Variants in RASGEF1A observed in about 807,000 individuals in gnomAD.
RASGEF1A encodes the protein RasGEF domain family member 1A.
In RASGEF1A, 18 loss-of-function variants were observed where a neutral mutation model predicts 56.4. That is an observed-to-expected ratio of 0.32 (90% CI 0.22 to 0.47). RASGEF1A has a LOEUF of 0.47. Ranked by LOEUF, RASGEF1A falls within the 20% of genes least tolerant of loss-of-function variation. The probability of loss-of-function intolerance (pLI) is 1.00; values close to 1 mark genes in which losing one functional copy is unlikely to be tolerated. For missense variants in RASGEF1A, 422 were observed against 627.1 expected (o/e 0.67, Z 3.49); for synonymous variants, 245 against 242.6 (o/e 1.01, Z -0.09).
chr10:43,221,246 A>G (rs1258111187), intron 1 of RASGEF1A, among the ~76,000 whole-genome samples: 2 of 152,172 alleles, frequency 1.3e-5, no homozygotes, highest in Non-Finnish European at 2.9e-5. Context: ...TGTGTGGAAT[A>G]TATTTGCATG....
intron 1 of RASGEF1A, 129 bp from the exon 2 acceptor site, chr10:43,206,251 C>T: frequency 1.3e-6 from 1 of 764,706 alleles, no homozygotes; most frequent in South Asian, 1.8e-5. Flanking sequence ...GCGGCACTGG[C>T]AGAGGGCACC....
In RASGEF1A at chr10:43,196,608, G is replaced by T; in HGVS notation, c.1349-60C>A. ...CCCATGCAGTGTCTGCCTGAACCCA[G>T]CTGTCCCTTCAGGAGTACAGCCCAG... On this transcript the variant is annotated intron_variant, in intron 11 of 12. Transcript: ENST00000395810. This position sits in a 1 kb window ranked among gnomAD's most constrained non-coding sequence, Gnocchi z 4.6. 2 of 1,497,228 alleles carry T rather than the reference G, an allele frequency of 1.3e-6. No homozygotes were observed. Among genetic ancestry groups the T allele is most frequent in the South Asian group, 1.1e-5 (1 of 88,930 alleles). The allele number at this position is 1,497,228 out of a possible 1,614,324, so 92.7% of individuals were successfully genotyped here.
intron 1 of RASGEF1A, among the ~76,000 whole-genome samples, chr10:43,244,033 C>T (rs1206131476): frequency 6.6e-6 from 1 of 152,210 alleles, no homozygotes; most frequent in African/African-American, 2.4e-5. Flanking sequence ...CCATTTTGTT[C>T]TGTACTAAGA....
intron 1 of RASGEF1A, among the ~76,000 whole-genome samples, chr10:43,243,615 G>C (rs189614045): frequency 0.022 from 3,222 of 147,410 alleles, 50 homozygotes; most frequent in Non-Finnish European, 0.029. Flanking sequence ...GGGAGGTGAG[G>C]GGCGTCTCTG....
chr10:43,225,452 T>TGTGTCTCTGTGTCTGTGTGCCTGC (rs374831719), intron 1 of RASGEF1A, among the ~76,000 whole-genome samples: 1 of 151,912 alleles, frequency 6.6e-6, no homozygotes, highest in East Asian at 1.9e-4. Context: ...TCTGTGTTTG[T>TGTGTCTCTGTGTCTGTGTGCCTGC]GTGTCTCTGT....
At chr10:43,250,332 T>C (rs1301028285) in intron 1 of RASGEF1A, among the ~76,000 whole-genome samples, 1 of 152,130 alleles carries the variant, frequency 6.6e-6, no homozygotes, top group African/African-American at 2.4e-5. Context: ...GCTATGACGG[T>C]TTCCCTGTCG....
chr10:43,265,949 G>T (rs1308970821), intron 1 of RASGEF1A, among the ~76,000 whole-genome samples: 1 of 152,262 alleles, frequency 6.6e-6, no homozygotes, highest in African/African-American at 2.4e-5. Flanking sequence ...AGGACAGTGG[G>T]AGAAGAGTGG....
chr10:43,265,568 A>G (rs746227959), intron 1 of RASGEF1A, among the ~76,000 whole-genome samples: 20 of 152,192 alleles, frequency 1.3e-4, no homozygotes, highest in Non-Finnish European at 1.8e-4. Flanking sequence ...CCTGCTCCGG[A>G]TCTCCCCTTC....
intron 1 of RASGEF1A, among the ~76,000 whole-genome samples, chr10:43,250,341 C>CG (rs1424072125): frequency 3.3e-5 from 5 of 152,184 alleles, no homozygotes; most frequent in Non-Finnish European, 5.9e-5. Context: ...GTTTCCCTGT[C>CG]GGGGGACGCA....
intron 1 of RASGEF1A, among the ~76,000 whole-genome samples, chr10:43,242,699 G>T (rs1044004672): frequency 6.6e-6 from 1 of 152,172 alleles, no homozygotes; most frequent in Non-Finnish European, 1.5e-5. Flanking sequence ...CTCTTGACTG[G>T]TTTTTGTATT....
chr10:43,226,711 C>A (rs571321205), intron 1 of RASGEF1A, among the ~76,000 whole-genome samples: 29 of 152,226 alleles, frequency 1.9e-4, no homozygotes, highest in Non-Finnish European at 3.2e-4. Context: ...CAAGACACAG[C>A]CCCTCTGGAC....
intron 1 of RASGEF1A, among the ~76,000 whole-genome samples, chr10:43,227,833 C>G (rs910646372): frequency 2.6e-5 from 4 of 152,106 alleles, no homozygotes; most frequent in Non-Finnish European, 5.9e-5. Flanking sequence ...CCTGCGCCAG[C>G]CTGACCTTCC....
intron 1 of RASGEF1A, among the ~76,000 whole-genome samples, chr10:43,212,619 G>T (rs963954668): frequency 6.6e-6 from 1 of 152,244 alleles, no homozygotes; most frequent in African/African-American, 2.4e-5. Flanking sequence ...GACACATGGA[G>T]TGTGGCTTCC....
At chr10:43,229,592 G>A in intron 1 of RASGEF1A, 1 of 1,455,386 alleles carries the variant, frequency 6.9e-7, no homozygotes, top group African/African-American at 1.5e-5. Flanking sequence ...GACAGCGCAA[G>A]AACCCTGCCC....
At chr10:43,266,394 G>T (rs1015107268) in intron 1 of RASGEF1A, among the ~76,000 whole-genome samples, 16 of 152,150 alleles carry the variant, frequency 1.1e-4, no homozygotes, top group Admixed American at 3.9e-4. Context: ...ATACCACGGC[G>T]GGGCCCAGAA....
intron 1 of RASGEF1A, among the ~76,000 whole-genome samples, chr10:43,239,168 G>A (rs1304432704): frequency 2.0e-5 from 3 of 152,152 alleles, no homozygotes; most frequent in East Asian, 3.9e-4. Context: ...ACATGTAAGA[G>A]GTCCTCTAGC....
In RASGEF1A at chr10:43,199,336, G is replaced by A. The variant is rs147824689; in HGVS notation, c.850-142C>T. The A allele has an allele frequency of 3.3e-4, 228 of 689,934 alleles. 1 individual carries two copies. The highest frequency in any genetic ancestry group is 1.4e-3 in the Admixed American group (64 of 46,778). 42.7% of individuals were successfully genotyped at this position (689,934 alleles called of 1,614,324 possible). ...CGGGCTGATCCAGGTCCATGGCTGC[G>A]TCTGGGAGGTCCAGACATGTGCACG... On this transcript the variant is annotated intron_variant, in intron 7 of 12. Coordinates refer to ENST00000395810, the MANE Select transcript of RASGEF1A (RefSeq NM_145313.4).
chr10:43,217,347 G>A (rs562066765), intron 1 of RASGEF1A, among the ~76,000 whole-genome samples: 1 of 152,236 alleles, frequency 6.6e-6, no homozygotes, highest in Admixed American at 6.5e-5. Context: ...TGTGTCCCTC[G>A]CTCATGCTCC....
At chr10:43,219,725 C>T (rs919775354) in intron 1 of RASGEF1A, among the ~76,000 whole-genome samples, 1 of 152,234 alleles carries the variant, frequency 6.6e-6, no homozygotes, top group Admixed American at 6.5e-5. Flanking sequence ...CACACACAGA[C>T]CTGTCCCGGG....
Sources: allele counts gnomAD v4.1 joint callset (sites outside exome capture counted in the v4.1 genomes callset), GRCh38; gene constraint gnomAD v4.1.1; non-coding constraint Gnocchi (gnomAD v3.1); transcripts MANE v1.5; gene names NCBI Gene and HGNC (gene_info 2026-07-23, HGNC 2026-07-21).